The following PCDHA7 variants were observed in gnomAD, a reference collection of about 807,000 sequenced individuals.
The protein encoded by PCDHA7 is protocadherin alpha-7.
A neutral mutation model predicts 57.2 loss-of-function variants in PCDHA7; 37 were observed. The ratio of observed to expected loss-of-function variants is 0.65; its 90% confidence interval spans 0.50 to 0.85. PCDHA7 has a LOEUF of 0.85. Among genes scored for constraint, PCDHA7 ranks in the 40% least tolerant of loss-of-function variants. The pLI is 0.00. For missense variants in PCDHA7, 1,188 were observed against 1,241.8 expected, an observed-to-expected ratio of 0.96 and a Z score of 0.65; for synonymous variants, 553 against 558.8, an observed-to-expected ratio of 0.99 and a Z score of 0.15.
rs1255289031 is a variant in PCDHA7 at position 141,010,188 on chromosome 5, T to C, written c.*251T>C. On this transcript the variant is annotated 3_prime_UTR_variant, in exon 4 of 4. Transcript: ENST00000525929. Reference sequence around the variant, plus strand: ...CAGAACCTAAAAAGCAGACCCAAGTTTCCTTTCTCCTCCGCCGCAAAGGAG... The same window carrying C: ...CAGAACCTAAAAAGCAGACCCAAGTCTCCTTTCTCCTCCGCCGCAAAGGAG... 1.3e-6 allele frequency: 2 copies of C among 1,552,952 alleles called. No individual in the cohort carries two copies. Among genetic ancestry groups the C allele is most frequent in the Non-Finnish European group, 8.7e-7 (1 of 1,147,482 alleles).
chr5:140,908,778 C>G (rs1452710808), intron 1 of PCDHA7, among the ~76,000 whole-genome samples: 1 of 152,184 alleles, frequency 6.6e-6, no homozygotes, highest in Non-Finnish European at 1.5e-5. Flanking sequence ...GTAGAGTCTT[C>G]TCCTGTTCTG....
rs534304787 is a variant in PCDHA7, at chr5:140,885,393, TA to T, written c.2355+48657del. Among the ~76,000 whole-genome samples the T allele has an allele frequency of 3.1e-3, 468 of 152,312 alleles. 3 individuals carry two copies. Among genetic ancestry groups the T allele is most frequent in the Middle Eastern group, 0.014 (4 of 294 alleles). The stretch of plus-strand genomic sequence containing the variant: ...TACCTTTTGGCAGTCCCTGCAAATC[TA>T]ATGGTTTTAATAGCTGTGTAGTATT... On this transcript the variant is annotated intron_variant, in intron 1 of 3. Transcript: ENST00000525929.
At chr5:140,989,894 T>C (rs907697062) in intron 3 of PCDHA7, among the ~76,000 whole-genome samples, 7 of 151,812 alleles carry the variant, frequency 4.6e-5, no homozygotes, top group Admixed American at 3.3e-4. Context: ...GTCTCCGTTA[T>C]TCACAATCAG....
intron 1 of PCDHA7, among the ~76,000 whole-genome samples, chr5:140,945,881 A>C (rs1334626828): frequency 6.6e-6 from 1 of 152,158 alleles, no homozygotes; most frequent in African/African-American, 2.4e-5. Flanking sequence ...AAAACTAACA[A>C]AGAAAACACA....
At chr5:140,996,832 T>G (rs1338616787) in intron 3 of PCDHA7, among the ~76,000 whole-genome samples, 1 of 152,212 alleles carries the variant, frequency 6.6e-6, no homozygotes, top group African/African-American at 2.4e-5. Flanking sequence ...TACCAATAAT[T>G]TAGCGTGCAT....
rs1325743256 is a variant in PCDHA7 at position 140,849,105 on chromosome 5, G to T, written c.2355+12367G>T. 6 of 1,455,392 alleles carry T rather than the reference G, an allele frequency of 4.1e-6. No individual in the cohort carries two copies. The East Asian group carries it at 1.4e-4, about 34-fold the overall frequency. 90.2% of individuals were successfully genotyped at this position (1,455,392 alleles called of 1,614,324 possible). ...ATTACGGAAACTTTTAGACAGAGAA[G>T]AAACTCCGGAGCTTCATTTATTGCT... On this transcript the variant is annotated intron_variant, in intron 1 of 3. Coordinates refer to ENST00000525929, the MANE Select transcript of PCDHA7 (RefSeq NM_018910.3).
intron 1 of PCDHA7, chr5:140,966,584 G>C (rs1227691524): frequency 7.4e-6 from 4 of 541,586 alleles, no homozygotes; most frequent in African/African-American, 6.0e-5. Context: ...CAGCGAGGAC[G>C]GTGGGGCCAG....
At chr5:140,956,754 C>T (rs1470553559) in intron 1 of PCDHA7, among the ~76,000 whole-genome samples, 5 of 152,140 alleles carry the variant, frequency 3.3e-5, no homozygotes, top group African/African-American at 1.2e-4. Flanking sequence ...TGATAGAATT[C>T]AGCTGTAAAT....
In PCDHA7 at chr5:141,009,850, C is replaced by A; in HGVS notation, c.2727C>A (p.Thr909=). The A allele has an allele frequency of 1.2e-6, 2 of 1,613,572 alleles. No individual in the cohort carries two copies. Among genetic ancestry groups the A allele is most frequent in the Non-Finnish European group, 1.7e-6 (2 of 1,179,906 alleles). ...DFITFGKKEE[T]KKKKKKKKGN... ...TAACCTTCGGCAAAAAGGAGGAGAC[C>A]AAGAAAAAGAAGAAAAAGAAGAAGG... The change falls in exon 4 of 4, where the codon ACC becomes ACA. Residue 909 remains threonine (T), a synonymous_variant. Coordinates refer to ENST00000525929, the MANE Select transcript of PCDHA7 (RefSeq NM_018910.3).
At chr5:140,896,309 A>T (rs1554186897) in intron 1 of PCDHA7, among the ~76,000 whole-genome samples, 1 of 152,184 alleles carries the variant, frequency 6.6e-6, no homozygotes. Flanking sequence ...AAATCTTCAA[A>T]CTGCTTTCCA....
intron 3 of PCDHA7, 112 bp downstream of exon 3, chr5:140,982,675 T>A (rs782533593): frequency 1.3e-4 from 192 of 1,441,664 alleles, no homozygotes; most frequent in Middle Eastern, 9.1e-4. Flanking sequence ...ATTTTTGTTA[T>A]TCCCTTTTTT....
intron 1 of PCDHA7, among the ~76,000 whole-genome samples, chr5:140,947,805 G>T (rs1474604810): frequency 6.6e-6 from 1 of 151,504 alleles, no homozygotes; most frequent in Non-Finnish European, 1.5e-5. Flanking sequence ...TTAATTTGCA[G>T]AGACTATTTC....
At chr5:140,941,255 C>CTTTCTCTT (rs782490896) in intron 1 of PCDHA7, among the ~76,000 whole-genome samples, 24 of 44,510 alleles carry the variant, frequency 5.4e-4, no homozygotes, top group African/African-American at 1.5e-3. Flanking sequence ...TTCTTTCTTT[C>CTTTCTCTT]TCTTTCTTTC....
chr5:140,879,184 T>C (rs1368886985), intron 1 of PCDHA7, among the ~76,000 whole-genome samples: 1 of 152,136 alleles, frequency 6.6e-6, no homozygotes, highest in Admixed American at 6.5e-5. Flanking sequence ...TATCAAGTAA[T>C]GGAGACTTAA....
At chr5:140,869,718 T>C in intron 1 of PCDHA7, 1 of 1,613,408 alleles carries the variant, frequency 6.2e-7, no homozygotes, top group Non-Finnish European at 8.5e-7. Context: ...GAGAGAAAAC[T>C]CCGGAACTTA....
chr5:140,929,080 A>G, intron 1 of PCDHA7: 1 of 1,614,180 alleles, frequency 6.2e-7, no homozygotes, highest in Non-Finnish European at 8.5e-7. Context: ...GTATGGAAGT[A>G]AGATGGTTTC....
chr5:140,971,115 G>A (rs1409733667), intron 1 of PCDHA7, among the ~76,000 whole-genome samples: 1 of 152,146 alleles, frequency 6.6e-6, no homozygotes, highest in Non-Finnish European at 1.5e-5. Flanking sequence ...GGATTGGGGT[G>A]GGCTACAGGT....
At chr5:140,862,905 G>A in intron 1 of PCDHA7, 2 of 551,590 alleles carry the variant, frequency 3.6e-6, no homozygotes, top group Non-Finnish European at 7.0e-6. Context: ...TGTCTGCGCT[G>A]CTGGCGCCTT....
At chr5:140,920,516 A>G (rs2079670610) in intron 1 of PCDHA7, among the ~76,000 whole-genome samples, 1 of 152,156 alleles carries the variant, frequency 6.6e-6, no homozygotes, top group African/African-American at 2.4e-5. Flanking sequence ...GTTTTATGCA[A>G]TTCGTTAGAC....
Sources: gnomAD v4.1 joint callset for allele counts (sites outside exome capture counted in the v4.1 genomes callset) on GRCh38, gnomAD v4.1.1 for gene constraint, MANE v1.5 for transcripts, NCBI Gene and HGNC (gene_info 2026-07-23, HGNC 2026-07-21) for gene names.